The following PIEZO2 variants were observed in gnomAD, a reference collection of about 807,000 sequenced individuals.
PIEZO2 encodes the protein piezo type mechanosensitive ion channel component 2, also known as piezo-type mechanosensitive ion channel component 2.
In PIEZO2, 172 loss-of-function variants were observed where a neutral mutation model predicts 337.3. The observed-to-expected ratio is 0.51, with a 90% CI of 0.45 to 0.58. The LOEUF (loss-of-function observed/expected upper bound fraction) is 0.58, where lower values mean the gene tolerates loss of function less well. Ranked by LOEUF, PIEZO2 falls within the 20% of genes least tolerant of loss-of-function variation. PIEZO2 has a pLI of 0.00. For missense variants in PIEZO2, 3,028 were observed against 3,391.3 expected (o/e 0.89, Z 2.66); for synonymous variants, 1,251 against 1,228.5 (o/e 1.02, Z -0.38).
At chr18:10,732,228 G>GCAGAAAGAA (rs1295082669) in intron 35 of PIEZO2, among the ~76,000 whole-genome samples, 1 of 152,158 alleles carries the variant, frequency 6.6e-6, no homozygotes, top group East Asian at 1.9e-4. Context: ...CCCAAATCAT[G>GCAGAAAGAA]CAGAAAGAAC....
rs529044080 is a variant in PIEZO2 at position 10,837,644 on chromosome 18, C to T, written c.917+17709G>A. On this transcript the variant is annotated intron_variant, in intron 7 of 55. Coordinates refer to ENST00000674853, the MANE Select transcript of PIEZO2 (RefSeq NM_001378183.1). This position sits in a 1 kb window ranked among gnomAD's most constrained non-coding sequence, Gnocchi z 4.4. ...GTGGACAGAACAGAATTAATTTTTA[C>T]ATATGAATGAAAACAAAGACATACC... is the stretch of plus-strand genomic sequence containing the variant. Among the ~76,000 whole-genome samples the T allele has an allele frequency of 6.6e-6, 1 of 152,264 alleles. No homozygotes were observed. Among genetic ancestry groups the T allele is most frequent in the Non-Finnish European group, 1.5e-5 (1 of 68,010 alleles).
chr18:10,960,614 A>C (rs878970593), intron 3 of PIEZO2, among the ~76,000 whole-genome samples: 3 of 152,020 alleles, frequency 2.0e-5, no homozygotes, highest in Non-Finnish European at 4.4e-5. Context: ...GGTTTGTATA[A>C]ATTAACTGTG....
intron 18 of PIEZO2, among the ~76,000 whole-genome samples, chr18:10,779,908 C>T (rs187069743): frequency 2.1e-4 from 32 of 152,138 alleles, no homozygotes; most frequent in Admixed American, 1.8e-3. Context: ...TGGAGTGCTA[C>T]GGAGGTTCAG....
intron 7 of PIEZO2, among the ~76,000 whole-genome samples, chr18:10,843,406 T>G (rs1159522102): frequency 2.6e-5 from 4 of 152,188 alleles, no homozygotes; most frequent in Admixed American, 2.6e-4. Flanking sequence ...GATTTCATTT[T>G]ATACGCTGTT....
chr18:11,063,053 A>T (rs950829843), intron 2 of PIEZO2, among the ~76,000 whole-genome samples: 4 of 152,186 alleles, frequency 2.6e-5, no homozygotes, highest in Admixed American at 1.3e-4. Flanking sequence ...AATGTGGCAC[A>T]TATATGCCAT....
At chr18:10,722,631 A>G (rs572836468) in intron 36 of PIEZO2, among the ~76,000 whole-genome samples, 2 of 152,300 alleles carry the variant, frequency 1.3e-5, no homozygotes, top group South Asian at 4.1e-4. Flanking sequence ...GACCACATAT[A>G]CCATAACTAA....
chr18:11,055,631 A>C (rs1342101584), intron 2 of PIEZO2, among the ~76,000 whole-genome samples: 1 of 152,176 alleles, frequency 6.6e-6, no homozygotes, highest in African/African-American at 2.4e-5. Context: ...CTATTTGTGT[A>C]GTAATTTTAT....
At chr18:10,908,557 G>A (rs1046785559) in intron 4 of PIEZO2, 1 of 152,208 alleles carries the variant, frequency 6.6e-6, no homozygotes, top group African/African-American at 2.4e-5. Flanking sequence ...TTTAGTCTTT[G>A]CAACTGTAAA....
intron 1 of PIEZO2, among the ~76,000 whole-genome samples, chr18:11,075,914 G>A (rs150429138): frequency 0.027 from 3,987 of 150,054 alleles, 84 homozygotes; most frequent in South Asian, 0.038. Context: ...TCAGCCTCCC[G>A]AGTTAGCTGG....
In PIEZO2 at chr18:10,862,370, G is replaced by A. The variant is rs907123504; in HGVS notation, c.493-5159C>T. On this transcript the variant is annotated intron_variant, in intron 5 of 55. Coordinates refer to ENST00000674853, the MANE Select transcript of PIEZO2 (RefSeq NM_001378183.1). This position sits in a 1 kb window ranked among gnomAD's most constrained non-coding sequence, Gnocchi z 4.4. Reference sequence around the variant, plus strand: ...AATCAACTTTACACAAGGCCAGCCTGTTCTCTGTTAGGGCCCTGAATGAGG... The same window carrying A: ...AATCAACTTTACACAAGGCCAGCCTATTCTCTGTTAGGGCCCTGAATGAGG... 6.6e-6 allele frequency among the ~76,000 whole-genome samples: 1 copy of A among 152,156 alleles called. No individual in the cohort carries two copies. Among genetic ancestry groups the A allele is most frequent in the Non-Finnish European group, 1.5e-5 (1 of 68,028 alleles).
At chr18:11,088,012 A>T (rs2038962725) in intron 1 of PIEZO2, among the ~76,000 whole-genome samples, 1 of 152,232 alleles carries the variant, frequency 6.6e-6, no homozygotes. Context: ...ATCCTTCAAG[A>T]AGTCACTGCT....
At chr18:11,000,066 C>G (rs1191956732) in intron 2 of PIEZO2, among the ~76,000 whole-genome samples, 2 of 152,162 alleles carry the variant, frequency 1.3e-5, no homozygotes, top group Non-Finnish European at 2.9e-5. Flanking sequence ...AAATCTCATT[C>G]AAGCACTCTT....
At position 11,112,773 on chromosome 18, in the gene PIEZO2, G is replaced by C. The variant is rs574144847; in HGVS notation, c.64+35752C>G. The stretch of plus-strand genomic sequence containing the variant: ...CCACAGGACTGAACTGAAAATGTGG[G>C]CTCCTTCTCTCCATCTGCAGTTAGG... On this transcript the variant is annotated intron_variant, in intron 1 of 55. Transcript: ENST00000674853. This position sits in a 1 kb window ranked among gnomAD's most constrained non-coding sequence, Gnocchi z 4.3. Among the ~76,000 whole-genome samples the C allele has an allele frequency of 1.1e-3, 174 of 152,230 alleles. 2 individuals carry two copies. Among genetic ancestry groups the C allele is most frequent in the Middle Eastern group, 0.01 (3 of 294 alleles).
Position 10,720,039 on chromosome 18 carries a change from A to C in PIEZO2, c.5030-1780T>G, listed in dbSNP as rs554789433. On this transcript the variant is annotated intron_variant, in intron 36 of 55. Transcript: ENST00000674853. ...TGTTGCTCTGAGGAAGTACATCTTGAGAATTTTCAAATAATGACGTGAAGT... is the reference window on the plus strand; with the variant it reads ...TGTTGCTCTGAGGAAGTACATCTTGCGAATTTTCAAATAATGACGTGAAGT... Among the ~76,000 whole-genome samples, 773 of 152,076 alleles carry C rather than the reference A, an allele frequency of 5.1e-3. 6 individuals are homozygous for C. The highest frequency in any genetic ancestry group is 0.018 in the African/African-American group (736 of 41,486).
chr18:11,133,883 T>C (rs1016193808), intron 1 of PIEZO2, among the ~76,000 whole-genome samples: 3 of 151,942 alleles, frequency 2.0e-5, no homozygotes, highest in African/African-American at 4.8e-5. Flanking sequence ...TATATATATA[T>C]ACATATACAC....
Position 10,861,693 on chromosome 18 carries a change from C to T in PIEZO2, c.493-4482G>A, listed in dbSNP as rs754118312. ...GAATGATTTTGGGGGACCTATTGCA[C>T]TGCATGGTGACTGTAGTTTTTAATG... On this transcript the variant is annotated intron_variant, in intron 5 of 55. Transcript: ENST00000674853. This position sits in a 1 kb window ranked among gnomAD's most constrained non-coding sequence, Gnocchi z 4.3. Among the ~76,000 whole-genome samples, 1 of 152,208 alleles carries T rather than the reference C, an allele frequency of 6.6e-6. No individual in the cohort carries two copies. The highest frequency in any genetic ancestry group is 2.4e-5 in the African/African-American group (1 of 41,450).
intron 2 of PIEZO2, among the ~76,000 whole-genome samples, chr18:10,995,692 G>A (rs1030559596): frequency 6.6e-5 from 10 of 152,198 alleles, no homozygotes; most frequent in African/African-American, 2.4e-4. Flanking sequence ...TTAACTGTCA[G>A]TCAAAGCTGT....
chr18:10,882,834 CTTTTTTTCTTT>C (rs2042461184), intron 4 of PIEZO2, among the ~76,000 whole-genome samples: 1 of 109,984 alleles, frequency 9.1e-6, no homozygotes, highest in South Asian at 3.1e-4. Context: ...ACCACATTTT[CTTTTTTTCTTT>C]TTTTTTTTTT....
intron 1 of PIEZO2, among the ~76,000 whole-genome samples, chr18:11,075,732 A>G (rs1232528810): frequency 6.6e-6 from 1 of 152,006 alleles, no homozygotes; most frequent in Non-Finnish European, 1.5e-5. Context: ...TTCTTTATGC[A>G]CACCAAAACG....
Sources: allele counts gnomAD v4.1 joint callset (sites outside exome capture counted in the v4.1 genomes callset), GRCh38; gene constraint gnomAD v4.1.1; non-coding constraint Gnocchi (gnomAD v3.1); transcripts MANE v1.5; gene names NCBI Gene and HGNC (gene_info 2026-07-23, HGNC 2026-07-21).